KAT6B: variants seen among roughly 807,000 people sequenced by gnomAD.
The protein encoded by KAT6B is histone acetyltransferase KAT6B.
In KAT6B, 10 loss-of-function variants were observed where a neutral mutation model predicts 187.5. The ratio of observed to expected loss-of-function variants is 0.05; its 90% CI spans 0.03 to 0.09. The LOEUF (loss-of-function observed/expected upper bound fraction) is 0.09. KAT6B is among the 10% of genes least tolerant of loss of function. The pLI is 1.00. For missense variants in KAT6B, 1,952 were observed against 2,558.9 expected (o/e 0.76, Z 5.12); for synonymous variants, 861 against 926.8 (o/e 0.93, Z 1.29).
chr10:74,992,854 C>T (rs1260391318), intron 13 of KAT6B, among the ~76,000 whole-genome samples: 2 of 152,194 alleles, frequency 1.3e-5, no homozygotes, highest in Non-Finnish European at 2.9e-5. Context: ...AGGGCACCAA[C>T]TCCCAATCTG....
At chr10:74,905,350 A>G (rs4307657) in intron 3 of KAT6B, among the ~76,000 whole-genome samples, 1 of 152,172 alleles carries the variant, frequency 6.6e-6, no homozygotes, top group Non-Finnish European at 1.5e-5. Context: ...ATGGGCAATA[A>G]ATTAATAAGT....
chr10:74,953,545 A>G (rs747449728), intron 3 of KAT6B, among the ~76,000 whole-genome samples: 14 of 152,206 alleles, frequency 9.2e-5, no homozygotes, highest in Admixed American at 2.0e-4. Context: ...AAATATGAAC[A>G]TATGAATGAA....
At chr10:74,836,398 G>A (rs1841311678) in intron 1 of KAT6B, among the ~76,000 whole-genome samples, 1 of 152,200 alleles carries the variant, frequency 6.6e-6, no homozygotes, top group African/African-American at 2.4e-5. Context: ...GCCAAACAGT[G>A]CTTTGCTATT....
At position 75,028,583 on chromosome 10, in the gene KAT6B, G is replaced by A. The variant is rs988830424; in HGVS notation, c.3759G>A (p.Lys1253=). The change falls in exon 18 of 18, where the codon AAG becomes AAA. Residue 1253 remains lysine, a synonymous_variant. Transcript: ENST00000287239. ...KCKQVWPKGT[K]RGLSKWRQNK... Reference sequence around the variant, plus strand: ...AACAAGTGTGGCCAAAAGGAACAAAGCGCGGTCTATCTAAGTGGAGGCAAA... The same window carrying A: ...AACAAGTGTGGCCAAAAGGAACAAAACGCGGTCTATCTAAGTGGAGGCAAA... 13 of 1,614,198 alleles carry A rather than the reference G, an allele frequency of 8.1e-6. No homozygotes were observed. The highest frequency in any genetic ancestry group is 8.5e-6 in the Non-Finnish European group (10 of 1,180,050).
Position 74,935,908 on chromosome 10 carries a change from A to G in KAT6B, c.622-24062A>G, listed in dbSNP as rs139938291. On this transcript the variant is annotated intron_variant, in intron 3 of 17. Transcript: ENST00000287239. ...AGAAAATAATTTTTTTTAAAAGGAT[A>G]GTGTGAGGAAGTAATTTTGTTTTTA... is the stretch of plus-strand genomic sequence containing the variant. 5.6e-3 allele frequency among the ~76,000 whole-genome samples: 854 copies of G among 152,366 alleles called. 20 individuals are homozygous for G. Among genetic ancestry groups the G allele is most frequent in the East Asian group, 5.4e-3 (28 of 5,194 alleles).
chr10:74,975,618 T>A lies in KAT6B; in HGVS notation c.1281T>A (p.Val427=). Residue 427 remains valine (V), a synonymous_variant, in exon 8 of 18, where the codon GTT becomes GTA. Coordinates refer to ENST00000287239, the MANE Select transcript of KAT6B (RefSeq NM_012330.4). The stretch of plus-strand genomic sequence containing the variant: ...ACATTTCTGCCTCTACACTTAAAGT[T>A]AACAAGAAAACCAAAGGGCTCATTG... ...STYISASTLK[V]NKKTKGLIDG... 1 of 1,614,098 alleles carries A rather than the reference T, an allele frequency of 6.2e-7. No individual in the cohort carries two copies. The highest frequency in any genetic ancestry group is 1.7e-4 in the Middle Eastern group (1 of 6,060).
At chr10:74,851,612 T>C (rs1259757619) in intron 3 of KAT6B, among the ~76,000 whole-genome samples, 1 of 152,204 alleles carries the variant, frequency 6.6e-6, no homozygotes, top group Non-Finnish European at 1.5e-5. Context: ...ATTACAGGCA[T>C]GAGCCACTGT....
chr10:74,851,138 T>G (rs1418038298), intron 3 of KAT6B, among the ~76,000 whole-genome samples: 1 of 152,006 alleles, frequency 6.6e-6, no homozygotes, highest in Non-Finnish European at 1.5e-5. Context: ...TACAGAGTCT[T>G]GCTCTGTTGC....
chr10:74,842,877 C>T lies in KAT6B; in HGVS notation c.20C>T (p.Pro7Leu). Reference protein sequence around the residue: MVKLANPLYTEWILEAI... With the variant: MVKLANLLYTEWILEAI... ...TCAACCATGGTAAAACTTGCAAACCCACTTTATACAGAGTGGATTCTTGAA... is the reference window on the plus strand; with the variant it reads ...TCAACCATGGTAAAACTTGCAAACCTACTTTATACAGAGTGGATTCTTGAA... Residue 7 changes from proline (P) to leucine (L), a missense_variant, in exon 3 of 18, where the codon CCA (proline) becomes CTA (leucine). Pro to Leu is a moderately conservative substitution (Grantham distance 98). Coordinates refer to ENST00000287239, the MANE Select transcript of KAT6B (RefSeq NM_012330.4). The T allele has an allele frequency of 3.1e-6, 5 of 1,614,124 alleles. No homozygotes were observed. The South Asian group carries it at 4.4e-5, about 14-fold the overall frequency.
intron 3 of KAT6B, among the ~76,000 whole-genome samples, chr10:74,870,682 G>A (rs1231735666): frequency 2.6e-5 from 4 of 151,810 alleles, no homozygotes; most frequent in African/African-American, 9.7e-5. Context: ...GGGTTCAGGC[G>A]ATTCTCCTGC....
intron 3 of KAT6B, among the ~76,000 whole-genome samples, chr10:74,948,326 T>G (rs928638685): frequency 4.6e-5 from 7 of 152,252 alleles, no homozygotes; most frequent in African/African-American, 1.7e-4. Flanking sequence ...TAAATATTAG[T>G]AACTTATTGA....
At chr10:74,948,819 G>A (rs1043325295) in intron 3 of KAT6B, among the ~76,000 whole-genome samples, 5 of 152,190 alleles carry the variant, frequency 3.3e-5, no homozygotes, top group African/African-American at 1.2e-4. Flanking sequence ...TCATAGAGAT[G>A]AATTACAATA....
rs1054836015 is a variant in KAT6B at position 74,843,282 on chromosome 10, C to T, written c.425C>T (p.Thr142Ile). ...YLRSQSDLTS[T>I]TNNPAFQQRL... ...AGAAGTCAAAGTGATCTCACAAGCA[C>T]CACCAACAACCCAGCCTTTCAGCAG... Residue 142 changes from threonine (T) to isoleucine (I), a missense_variant, in exon 3 of 18, where the codon ACC becomes ATC. Transcript: ENST00000287239. 4.3e-6 allele frequency: 7 copies of T among 1,613,844 alleles called. No homozygotes were observed. Among genetic ancestry groups the T allele is most frequent in the Admixed American group, 3.3e-5 (2 of 59,938 alleles).
chr10:74,828,561 TC>T (rs1840458669), intron 1 of KAT6B, among the ~76,000 whole-genome samples: 2 of 147,702 alleles, frequency 1.4e-5, no homozygotes, highest in Non-Finnish European at 1.5e-5. Context: ...ACTCATAAGT[TC>T]TTTTTTTTTT....
intron 16 of KAT6B, among the ~76,000 whole-genome samples, chr10:75,022,447 C>T (rs892200888): frequency 6.6e-6 from 1 of 152,198 alleles, no homozygotes; most frequent in African/African-American, 2.4e-5. Context: ...AAACCAGGGA[C>T]AGGCCAGCCT....
At chr10:74,971,373 G>A (rs1464981354) in intron 6 of KAT6B, among the ~76,000 whole-genome samples, 3 of 152,194 alleles carry the variant, frequency 2.0e-5, no homozygotes, top group East Asian at 1.9e-4. Flanking sequence ...AGTACTCACC[G>A]TTACTATATC....
chr10:74,951,081 G>A (rs1362926513), intron 3 of KAT6B, among the ~76,000 whole-genome samples: 1 of 151,028 alleles, frequency 6.6e-6, no homozygotes, highest in East Asian at 1.9e-4. Flanking sequence ...CCATTGCAGT[G>A]TATTCATTTT....
At chr10:74,943,277 C>G (rs994710171) in intron 3 of KAT6B, among the ~76,000 whole-genome samples, 1 of 152,116 alleles carries the variant, frequency 6.6e-6, no homozygotes, top group East Asian at 1.9e-4. Context: ...ATAGGCAAAG[C>G]CTGTACCCCA....
At chr10:74,868,836 C>T (rs1843718574) in intron 3 of KAT6B, among the ~76,000 whole-genome samples, 1 of 152,178 alleles carries the variant, frequency 6.6e-6, no homozygotes, top group Non-Finnish European at 1.5e-5. Flanking sequence ...AGAGATGATA[C>T]AGCAGCCTCC....
Sources: gnomAD v4.1 joint callset for allele counts (sites outside exome capture counted in the v4.1 genomes callset) on GRCh38, gnomAD v4.1.1 for gene constraint, MANE v1.5 for transcripts, NCBI Gene and HGNC (gene_info 2026-07-23, HGNC 2026-07-21) for gene names.